ARL15: variants seen among roughly 807,000 people sequenced by gnomAD.
The protein encoded by ARL15 is ADP-ribosylation factor-like protein 15.
Under a neutral mutation model 25.2 loss-of-function variants are expected in ARL15, and 19 were observed. That is an observed-to-expected ratio of 0.75 (90% CI 0.53 to 1.10). The LOEUF (loss-of-function observed/expected upper bound fraction) is 1.10, where lower values mean the gene tolerates loss of function less well. Ranked by LOEUF, ARL15 falls within the 50% of genes least tolerant of loss-of-function variation. ARL15 has a pLI of 0.00. For missense variants in ARL15, 220 were observed against 246.0 expected (o/e 0.89, Z 0.71); for synonymous variants, 94 against 86.8 (o/e 1.08, Z -0.46).
intron 1 of ARL15, among the ~76,000 whole-genome samples, 168 bp from the exon 2 acceptor site, chr5:54,172,096 G>A (rs1754738131): frequency 6.6e-6 from 1 of 152,172 alleles, no homozygotes; most frequent in Admixed American, 6.5e-5. Context: ...CACCACTCTA[G>A]CCAAGTGATC....
At chr5:54,013,082 G>A (rs930523967) in intron 4 of ARL15, among the ~76,000 whole-genome samples, 37 of 152,188 alleles carry the variant, frequency 2.4e-4, no homozygotes, top group African/African-American at 8.4e-4. Context: ...TTACAGGTGT[G>A]AGCCACCACG....
At chr5:53,927,242 G>C (rs1222631570) in intron 4 of ARL15, among the ~76,000 whole-genome samples, 1 of 152,096 alleles carries the variant, frequency 6.6e-6, no homozygotes, top group Non-Finnish European at 1.5e-5. Context: ...AACTTCATCA[G>C]CTTCATGTTT....
At chr5:54,256,407 T>C (rs1369194675) in intron 1 of ARL15, among the ~76,000 whole-genome samples, 1 of 90,344 alleles carries the variant, frequency 1.1e-5, no homozygotes, top group African/African-American at 4.3e-5. Flanking sequence ...CAAGATCGAA[T>C]CAGTTTAAAA....
At chr5:54,082,585 G>T (rs541301354) in intron 4 of ARL15, among the ~76,000 whole-genome samples, 2 of 152,250 alleles carry the variant, frequency 1.3e-5, no homozygotes, top group East Asian at 1.9e-4. Flanking sequence ...ATACACTAAA[G>T]ACACATAATC....
intron 4 of ARL15, among the ~76,000 whole-genome samples, chr5:53,899,347 C>CAAA (rs59145507): frequency 1.7e-4 from 15 of 89,376 alleles, no homozygotes; most frequent in East Asian, 6.8e-4. Flanking sequence ...GACTCTATCC[C>CAAA]AAAAAAAAAA....
At chr5:53,976,359 A>G (rs758341857) in intron 4 of ARL15, among the ~76,000 whole-genome samples, 11 of 152,232 alleles carry the variant, frequency 7.2e-5, no homozygotes, top group Non-Finnish European at 1.5e-4. Context: ...TTAGGAAACT[A>G]CAACATTTCA....
At chr5:54,241,099 A>G (rs576764386) in intron 1 of ARL15, among the ~76,000 whole-genome samples, 1 of 152,204 alleles carries the variant, frequency 6.6e-6, no homozygotes, top group Non-Finnish European at 1.5e-5. Context: ...TTAATACTAT[A>G]TAATGATACT....
At chr5:54,157,116 G>A (rs2112356149) in intron 2 of ARL15, among the ~76,000 whole-genome samples, 1 of 151,838 alleles carries the variant, frequency 6.6e-6, no homozygotes, top group East Asian at 1.9e-4. Context: ...ATTTTCTAGA[G>A]AAGTAAGACA....
At chr5:54,150,038 T>C (rs1456279861) in intron 3 of ARL15, among the ~76,000 whole-genome samples, 2 of 152,194 alleles carry the variant, frequency 1.3e-5, no homozygotes, top group African/African-American at 4.8e-5. Flanking sequence ...ATATCTGTTC[T>C]AGGCCTATAA....
intron 4 of ARL15, among the ~76,000 whole-genome samples, chr5:54,091,184 A>G (rs1752116843): frequency 6.6e-6 from 1 of 152,188 alleles, no homozygotes. Flanking sequence ...ACCATCTACC[A>G]TAATTAGATT....
chr5:54,060,129 T>TTAAA (rs1491282826), intron 4 of ARL15, among the ~76,000 whole-genome samples: 3 of 77,562 alleles, frequency 3.9e-5, no homozygotes, highest in Non-Finnish European at 5.1e-5. Flanking sequence ...ATCTGATGAC[T>TTAAA]AAAAAAAAAA....
intron 1 of ARL15, among the ~76,000 whole-genome samples, chr5:54,233,105 T>C (rs539136307): frequency 2.0e-4 from 30 of 152,348 alleles, no homozygotes; most frequent in African/African-American, 6.5e-4. Flanking sequence ...CATTGTGTTT[T>C]ACATAAAAAT....
intron 4 of ARL15, among the ~76,000 whole-genome samples, chr5:54,044,240 ATTT>A (rs1196537602): frequency 0.03 from 3,850 of 128,598 alleles, 155 homozygotes; most frequent in African/African-American, 0.11. Context: ...CCATTATTTA[ATTT>A]TTTTTTTTTT....
intron 4 of ARL15, among the ~76,000 whole-genome samples, chr5:54,047,002 A>G (rs942034187): frequency 6.6e-6 from 1 of 152,134 alleles, no homozygotes; most frequent in African/African-American, 2.4e-5. Context: ...GTCATGCTTC[A>G]ATCTCTCAGT....
At chr5:53,940,135 C>T (rs969130237) in intron 4 of ARL15, among the ~76,000 whole-genome samples, 1 of 151,998 alleles carries the variant, frequency 6.6e-6, no homozygotes, top group Non-Finnish European at 1.5e-5. Flanking sequence ...CCTGCCACGG[C>T]TAATTTTTCT....
At chr5:54,069,369 G>A (rs1467155554) in intron 4 of ARL15, among the ~76,000 whole-genome samples, 1 of 151,836 alleles carries the variant, frequency 6.6e-6, no homozygotes, top group Non-Finnish European at 1.5e-5. Flanking sequence ...TCAGGAGTTG[G>A]AGACCAGCCT....
chr5:54,187,176 C>T (rs27554), intron 1 of ARL15, among the ~76,000 whole-genome samples: 27,734 of 152,084 alleles, frequency 0.18, 3,236 homozygotes, highest in Admixed American at 0.3. Flanking sequence ...GCACCAAACT[C>T]CACTGCAGCC....
chr5:53,904,447 T>A (rs1487937022), intron 4 of ARL15, among the ~76,000 whole-genome samples: 1 of 152,206 alleles, frequency 6.6e-6, no homozygotes, highest in Non-Finnish European at 1.5e-5. Context: ...TCAAAGAACT[T>A]AATAAAGGTG....
chr5:53,893,521 T>C (rs1744784881), intron 4 of ARL15, among the ~76,000 whole-genome samples: 1 of 152,076 alleles, frequency 6.6e-6, no homozygotes, highest in African/African-American at 2.4e-5. Flanking sequence ...GGCAGGAGAA[T>C]GGCGTGAACC....
Sources: gnomAD v4.1 joint callset for allele counts (sites outside exome capture counted in the v4.1 genomes callset) on GRCh38, gnomAD v4.1.1 for gene constraint, MANE v1.5 for transcripts, NCBI Gene and HGNC (gene_info 2026-07-23, HGNC 2026-07-21) for gene names.